Variants in WDR3 observed in about 807,000 individuals in gnomAD.
WDR3 encodes the protein WD repeat-containing protein 3.
WDR3 carries 81 observed loss-of-function variants against 123.7 expected under a neutral mutation model. The ratio of observed to expected loss-of-function variants is 0.65; its 90% CI spans 0.55 to 0.79. WDR3 has a LOEUF of 0.79. WDR3 is among the 30% of genes least tolerant of loss of function. The pLI is 0.00. For synonymous variants in WDR3, 390 were observed against 388.8 expected (o/e 1.00, Z -0.04); for missense variants, 1,027 against 1,123.2 (o/e 0.91, Z 1.22).
Position 117,959,017 on chromosome 1 carries a change from T to A in WDR3, c.2676+14T>A. The A allele has an allele frequency of 6.2e-7, 1 of 1,612,046 alleles. No homozygotes were observed. The highest frequency in any genetic ancestry group is 8.5e-7 in the Non-Finnish European group (1 of 1,178,308). On this transcript the variant is annotated intron_variant, in intron 26 of 26. Transcript: ENST00000349139. ...AGCCAAGTCCGGGTAAGTGTCTTTG[T>A]ATAGAGATAAAATAATGAGGCAAAT... is the stretch of plus-strand genomic sequence containing the variant.
intron 24 of WDR3, 106 bp from the exon 25 acceptor site, chr1:117,956,962 A>C: frequency 1.0e-6 from 1 of 984,324 alleles, no homozygotes; most frequent in East Asian, 2.7e-5. Flanking sequence ...AGATGTATCC[A>C]AGTATAAAAT....
chr1:117,952,172 T>G (rs1005284667), intron 17 of WDR3, 96 bp downstream of exon 17: 1 of 1,472,850 alleles, frequency 6.8e-7, no homozygotes, highest in African/African-American at 1.4e-5. Flanking sequence ...TCTCAGGCAG[T>G]GATACAAGTT....
chr1:117,963,999 A>C lies in WDR3; in HGVS notation c.*4552A>C. On this transcript the variant is annotated 3_prime_UTR_variant, in exon 27 of 27. Transcript: ENST00000349139. ...TAAATTATTTGCATATATAAACCTAAATAACATTTTAGAATCATAGAATTT... is the reference window on the plus strand; with the variant it reads ...TAAATTATTTGCATATATAAACCTACATAACATTTTAGAATCATAGAATTT... 1 of 1,534,296 alleles carries C rather than the reference A, an allele frequency of 6.5e-7. No homozygotes were observed. Among genetic ancestry groups the C allele is most frequent in the Non-Finnish European group, 8.8e-7 (1 of 1,131,320 alleles).
At position 117,942,286 on chromosome 1, in the gene WDR3, T is replaced by C. The variant is rs1651197748; in HGVS notation, c.990-151T>C. The C allele has an allele frequency of 4.5e-6, 3 of 664,836 alleles. No homozygotes were observed. The African/African-American group carries it at 5.5e-5, about 12-fold the overall frequency. 41.2% of individuals were successfully genotyped at this position (664,836 alleles called of 1,614,324 possible). ...ACAAAGCATTTCCACTTATACTACA[T>C]TGTTTAATTATCATGGTAATCCTGT... On this transcript the variant is annotated intron_variant, in intron 9 of 26. Coordinates refer to ENST00000349139, the MANE Select transcript of WDR3 (RefSeq NM_006784.3).
chr1:117,940,466 A>G (rs770231876), intron 6 of WDR3, among the ~76,000 whole-genome samples: 107 of 152,166 alleles, frequency 7.0e-4, no homozygotes, highest in Non-Finnish European at 1.0e-3. Context: ...GTTCATGCCT[A>G]TAATCCCAGT....
Position 117,959,447 on chromosome 1 carries a change from G to A in WDR3, c.2832G>A (p.Ter944=). The A allele has an allele frequency of 6.3e-7, 1 of 1,596,308 alleles. No individual in the cohort carries two copies. Among genetic ancestry groups the A allele is most frequent in the East Asian group, 2.2e-5 (1 of 44,696 alleles). Residue 944 remains the stop codon, a stop_retained_variant, in exon 27 of 27, where the codon TAG becomes TAA. Transcript: ENST00000349139. ...KREKLILTLT[*] ...AGAAGTTGATTCTAACGTTGACTTA[G>A]AACTGAAATGTGGTATCTTTTTTTT... is the stretch of plus-strand genomic sequence containing the variant.
chr1:117,932,997 C>T (rs1009202875), intron 1 of WDR3, among the ~76,000 whole-genome samples: 7 of 141,828 alleles, frequency 4.9e-5, no homozygotes, highest in Middle Eastern at 3.9e-3. Context: ...GCTTTCGAGA[C>T]GAGCCTGGCC....
chr1:117,938,617 G>A, intron 5 of WDR3, 59 bp downstream of exon 5: 2 of 1,468,458 alleles, frequency 1.4e-6, no homozygotes, highest in Non-Finnish European at 1.9e-6. Context: ...AAAAGGTGGT[G>A]GTCTTCTCTT....
At chr1:117,944,338 ATCTT>A (rs1194710712) in intron 11 of WDR3, among the ~76,000 whole-genome samples, 1 of 152,082 alleles carries the variant, frequency 6.6e-6, no homozygotes, top group Non-Finnish European at 1.5e-5. Flanking sequence ...TCCTCGCTCC[ATCTT>A]TCTTATCTTT....
Position 117,952,034 on chromosome 1 carries a change from A to T in WDR3, c.1862A>T (p.Asp621Val), listed in dbSNP as rs144864161. 3 of 1,613,330 alleles carry T rather than the reference A, an allele frequency of 1.9e-6. No homozygotes were observed. The highest frequency in any genetic ancestry group is 2.5e-6 in the Non-Finnish European group (3 of 1,179,486). Reference protein sequence around the residue: ...ADRNVKIWGLDFGDCHKSLFA... With the variant: ...ADRNVKIWGLVFGDCHKSLFA... ...AGGAATGTGAAAATCTGGGGTTTGG[A>T]CTTTGGGGACTGCCACAAGTCTCTC... The change falls in exon 17 of 27, where the codon GAC becomes GTC. Residue 621 changes from aspartate (D) to valine (V), a missense_variant. Coordinates refer to ENST00000349139, the MANE Select transcript of WDR3 (RefSeq NM_006784.3).
chr1:117,942,291 T>C (rs987120683), intron 9 of WDR3, 146 bp from the exon 10 acceptor site: 24 of 677,078 alleles, frequency 3.5e-5, no homozygotes, highest in Non-Finnish European at 3.1e-5. Context: ...CTACATTGTT[T>C]AATTATCATG....
intron 8 of WDR3, 116 bp from the exon 9 acceptor site, chr1:117,941,634 A>G: frequency 3.1e-6 from 4 of 1,274,380 alleles, no homozygotes; most frequent in Non-Finnish European, 3.2e-6. Context: ...TAAGTTGTCC[A>G]AGGTAATACA....
chr1:117,951,323 A>G (rs538188192), intron 16 of WDR3, among the ~76,000 whole-genome samples: 5 of 151,690 alleles, frequency 3.3e-5, no homozygotes, highest in South Asian at 2.1e-4. Flanking sequence ...GACCAAAATC[A>G]TTTATTTCCC....
At chr1:117,931,267 A>C (rs770376908) in intron 1 of WDR3, among the ~76,000 whole-genome samples, 9 of 152,180 alleles carry the variant, frequency 5.9e-5, no homozygotes, top group Admixed American at 1.3e-4. Context: ...AATGTGCTAG[A>C]GGCTTTTCTA....
intron 11 of WDR3, among the ~76,000 whole-genome samples, chr1:117,945,420 A>G (rs1003275659): frequency 3.7e-4 from 56 of 152,000 alleles, no homozygotes; most frequent in African/African-American, 8.7e-4. Flanking sequence ...CATCTTCCCC[A>G]TTTATCCATA....
chr1:117,932,122 G>C (rs559361354), intron 1 of WDR3, among the ~76,000 whole-genome samples: 1 of 152,292 alleles, frequency 6.6e-6, no homozygotes, highest in African/African-American at 2.4e-5. Context: ...GGACTGATTT[G>C]TTATCTCCTT....
chr1:117,953,517 G>A lies in WDR3; in HGVS notation c.2244G>A (p.Lys748=). ...ETQGDSYFTG[K]KTIETVKAAE... ...AAGGTGACAGTTACTTTACTGGAAA[G>A]AAAACTATTGAAACAGTGAAAGCAG... Residue 748 remains lysine (K), a synonymous_variant, in exon 21 of 27, where the codon AAG becomes AAA. Coordinates refer to ENST00000349139, the MANE Select transcript of WDR3 (RefSeq NM_006784.3). The A allele has an allele frequency of 6.2e-7, 1 of 1,612,728 alleles. No homozygotes were observed. The highest frequency in any genetic ancestry group is 8.5e-7 in the Non-Finnish European group (1 of 1,179,092).
At chr1:117,943,804 C>CAAA (rs373392504) in intron 11 of WDR3, among the ~76,000 whole-genome samples, 178 bp downstream of exon 11, 1 of 108,092 alleles carries the variant, frequency 9.3e-6, no homozygotes, top group Non-Finnish European at 2.0e-5. Context: ...AAATGTGGTG[C>CAAA]AAAAAAAAAA....
chr1:117,959,522 G>A lies in WDR3; in HGVS notation c.*75G>A. On this transcript the variant is annotated 3_prime_UTR_variant, in exon 27 of 27. Transcript: ENST00000349139. ...TCCTAAACTAAGCACAGAAGAGTTGGCGTCATCTTAAAAATACCAAATAAC... is the reference window on the plus strand; with the variant it reads ...TCCTAAACTAAGCACAGAAGAGTTGACGTCATCTTAAAAATACCAAATAAC... 4 of 1,407,268 alleles carry A rather than the reference G, an allele frequency of 2.8e-6. No individual in the cohort carries two copies. The highest frequency in any genetic ancestry group is 3.8e-6 in the Non-Finnish European group (4 of 1,064,470). The allele number at this position is 1,407,268 out of a possible 1,614,324, so 87.2% of individuals were successfully genotyped here. A position where few individuals can be genotyped will look rare whatever the true frequency, so the allele number is the denominator to read the frequency against.
Sources: allele counts gnomAD v4.1 joint callset (sites outside exome capture counted in the v4.1 genomes callset), GRCh38; gene constraint gnomAD v4.1.1; transcripts MANE v1.5; gene names NCBI Gene and HGNC (gene_info 2026-07-23, HGNC 2026-07-21).